SEMA5B: variants seen among roughly 807,000 people sequenced by gnomAD.
SEMA5B encodes semaphorin-5B.
In SEMA5B, 66 loss-of-function variants were observed where a neutral mutation model predicts 135.0. The observed-to-expected ratio is 0.49, with a 90% CI of 0.40 to 0.60. SEMA5B has a LOEUF of 0.60. Ranked by LOEUF, SEMA5B falls within the 20% of genes least tolerant of loss-of-function variation. SEMA5B has a pLI of 0.00. For synonymous variants in SEMA5B, 690 were observed against 639.5 expected, an observed-to-expected ratio of 1.08 and a Z score of -1.19; for missense variants, 1,501 against 1,566.3, an observed-to-expected ratio of 0.96 and a Z score of 0.70.
chr3:122,939,173 A>G (rs547078318), intron 5 of SEMA5B, among the ~76,000 whole-genome samples: 7 of 152,282 alleles, frequency 4.6e-5, no homozygotes, highest in East Asian at 1.9e-4. Flanking sequence ...TCCCTTCCTC[A>G]TTAGCAGCCT....
chr3:123,009,028 C>T (rs1942378590), intron 1 of SEMA5B, among the ~76,000 whole-genome samples: 1 of 152,230 alleles, frequency 6.6e-6, no homozygotes, highest in African/African-American at 2.4e-5. Flanking sequence ...GAGCAGCCTG[C>T]TCCATCAATG....
intron 1 of SEMA5B, among the ~76,000 whole-genome samples, chr3:123,019,518 G>A (rs1003856705): frequency 1.1e-4 from 17 of 152,208 alleles, no homozygotes; most frequent in Admixed American, 9.2e-4. Context: ...AAGCATGGGA[G>A]GGTGAGCCTG....
intron 10 of SEMA5B, among the ~76,000 whole-genome samples, 179 bp downstream of exon 10, chr3:122,923,438 C>T (rs1053516427): frequency 1.3e-5 from 2 of 152,182 alleles, no homozygotes; most frequent in South Asian, 2.1e-4. Context: ...ACCCACTCTC[C>T]CTCACAGTTG....
In SEMA5B at chr3:122,968,449, G is replaced by A. The variant is rs192539364; in HGVS notation, c.-38-7148C>T. ...TCAGAGAGGGACGGTCGCCTTGGGGGTGACCTAGTAGCGGGATAGGATGGG... is the reference window on the plus strand; with the variant it reads ...TCAGAGAGGGACGGTCGCCTTGGGGATGACCTAGTAGCGGGATAGGATGGG... On this transcript the variant is annotated intron_variant, in intron 1 of 22. Coordinates refer to ENST00000357599, the MANE Select transcript of SEMA5B (RefSeq NM_001031702.4). Among the ~76,000 whole-genome samples, 11 of 152,310 alleles carry A rather than the reference G, an allele frequency of 7.2e-5. No homozygotes were observed. In the East Asian group the frequency reaches 9.6e-4, roughly 13 times the overall value.
intron 9 of SEMA5B, among the ~76,000 whole-genome samples, chr3:122,924,721 T>C (rs1938537385): frequency 6.6e-6 from 1 of 152,182 alleles, no homozygotes. Context: ...GAAACATTTC[T>C]TCCCACCTCA....
At chr3:123,007,725 G>A (rs1442164957) in intron 1 of SEMA5B, among the ~76,000 whole-genome samples, 2 of 152,112 alleles carry the variant, frequency 1.3e-5, no homozygotes, top group African/African-American at 2.4e-5. Context: ...CAGCAAAAAG[G>A]CCCTCACTAG....
chr3:122,947,559 G>A (rs982983556), intron 3 of SEMA5B, among the ~76,000 whole-genome samples: 5 of 152,194 alleles, frequency 3.3e-5, no homozygotes, highest in African/African-American at 4.8e-5. Context: ...GCTCTGCAGT[G>A]GGCAGTGGAC....
At position 122,915,539 on chromosome 3, in the gene SEMA5B, C is replaced by A; in HGVS notation, c.1889G>T (p.Gly630Val). ...PCEHLDGDNS[G>V]SCLCRARSCD... ...GGATCGAGCTCGACACAGGCAAGAG[C>A]CTGAGTTGTCCCCATCCAAGTGCTC... is the stretch of plus-strand genomic sequence containing the variant. Residue 630 changes from glycine (G) to valine (V), a missense_variant, in exon 14 of 23, where the codon GGC (glycine) becomes GTC (valine). Transcript: ENST00000357599. 1 of 1,614,114 alleles carries A rather than the reference C, an allele frequency of 6.2e-7. No individual in the cohort carries two copies. The highest frequency in any genetic ancestry group is 8.5e-7 in the Non-Finnish European group (1 of 1,180,004).
intron 12 of SEMA5B, 84 bp from the exon 13 acceptor site, chr3:122,915,974 CTG>C: frequency 1.1e-6 from 1 of 937,106 alleles, no homozygotes; most frequent in Non-Finnish European, 1.7e-6. Flanking sequence ...ACACTCCCCT[CTG>C]TGCACCACTT....
At chr3:122,952,802 C>T (rs1016802686) in intron 2 of SEMA5B, among the ~76,000 whole-genome samples, 3 of 152,170 alleles carry the variant, frequency 2.0e-5, no homozygotes, top group African/African-American at 7.2e-5. Context: ...GTTTGGCCAA[C>T]AGAGGGAGGA....
chr3:123,010,758 T>A (rs1243580005), intron 1 of SEMA5B, among the ~76,000 whole-genome samples: 1 of 139,640 alleles, frequency 7.2e-6, no homozygotes, highest in Non-Finnish European at 1.5e-5. Context: ...TGCAGTGAGC[T>A]GAGATTGCGC....
rs78169225 is a variant in SEMA5B, at chr3:122,949,706, G to T, written c.125-997C>A. Among the ~76,000 whole-genome samples, 1,012 of 152,268 alleles carry T rather than the reference G, an allele frequency of 6.6e-3. 8 individuals are homozygous for T. Among genetic ancestry groups the T allele is most frequent in the Non-Finnish European group, 9.4e-3 (641 of 68,028 alleles). On this transcript the variant is annotated intron_variant, in intron 2 of 22. Coordinates refer to ENST00000357599, the MANE Select transcript of SEMA5B (RefSeq NM_001031702.4). ...TAGATAACATTATTGTAAAACCTCA[G>T]ATTGGTGTTCTAGGTATTTTTCAGA...
In SEMA5B at chr3:122,926,622, C is replaced by T; in HGVS notation, c.906G>A (p.Arg302=). ...DIGLFAYFFL[R]ENAVEHDCGR... is the part of the protein sequence containing the mutation. Reference sequence around the variant, plus strand: ...CACAGTCGTGCTCCACTGCGTTCTCCCGCAGGAAGAAGTATGCAAACAGCC... The same window carrying T: ...CACAGTCGTGCTCCACTGCGTTCTCTCGCAGGAAGAAGTATGCAAACAGCC... The change falls in exon 9 of 23, where the codon CGG becomes CGA. Residue 302 remains arginine, a synonymous_variant. Transcript: ENST00000357599. The T allele has an allele frequency of 6.2e-7, 1 of 1,614,250 alleles. No homozygotes were observed. The highest frequency in any genetic ancestry group is 8.5e-7 in the Non-Finnish European group (1 of 1,180,048).
chr3:122,982,189 C>A (rs554762504), intron 1 of SEMA5B, among the ~76,000 whole-genome samples: 5 of 152,346 alleles, frequency 3.3e-5, no homozygotes, highest in Admixed American at 3.3e-4. Context: ...ACCTCCAAAC[C>A]CTTCCTCATT....
At chr3:122,947,069 C>A (rs1939821106) in intron 3 of SEMA5B, among the ~76,000 whole-genome samples, 1 of 151,948 alleles carries the variant, frequency 6.6e-6, no homozygotes, top group East Asian at 1.9e-4. Context: ...CCAATATTGC[C>A]CCCAACAAAG....
intron 1 of SEMA5B, among the ~76,000 whole-genome samples, chr3:122,983,298 C>T (rs1345192064): frequency 6.6e-6 from 1 of 151,870 alleles, no homozygotes; most frequent in Non-Finnish European, 1.5e-5. Context: ...TTTTCTCTGT[C>T]CTCATGTCAC....
intron 1 of SEMA5B, among the ~76,000 whole-genome samples, chr3:122,964,458 A>G (rs1576371900): frequency 6.6e-6 from 1 of 152,192 alleles, no homozygotes; most frequent in East Asian, 1.9e-4. Context: ...GCCTATTTTT[A>G]AAGAAGATCT....
At chr3:122,951,880 T>C (rs1163366714) in intron 2 of SEMA5B, among the ~76,000 whole-genome samples, 1 of 152,208 alleles carries the variant, frequency 6.6e-6, no homozygotes. Flanking sequence ...TTACTCCAGG[T>C]CTGGAAAATT....
At chr3:122,923,483 C>T (rs139555958) in intron 10 of SEMA5B, 134 bp downstream of exon 10, 7 of 983,354 alleles carry the variant, frequency 7.1e-6, no homozygotes, top group African/African-American at 4.7e-5. Context: ...CATTGTGGAC[C>T]CCAGAGATGG....
Sources: gnomAD v4.1 joint callset for allele counts (sites outside exome capture counted in the v4.1 genomes callset) on GRCh38, gnomAD v4.1.1 for gene constraint, MANE v1.5 for transcripts, NCBI Gene and HGNC (gene_info 2026-07-23, HGNC 2026-07-21) for gene names.